The following PTPRF variants were observed in gnomAD, a reference collection of about 807,000 sequenced individuals.
PTPRF encodes the protein protein tyrosine phosphatase receptor type F, also known as receptor-type tyrosine-protein phosphatase F.
Under a neutral mutation model 201.8 loss-of-function variants are expected in PTPRF, and 59 were observed. That is an observed-to-expected ratio of 0.29 (90% CI 0.24 to 0.36). PTPRF has a LOEUF of 0.36. Ranked by LOEUF, PTPRF falls within the 10% of genes least tolerant of loss-of-function variation. The pLI is 1.00. For missense variants in PTPRF, 2,132 were observed against 2,690.5 expected, an observed-to-expected ratio of 0.79 and a Z score of 4.59; for synonymous variants, 1,088 against 1,089.7, an observed-to-expected ratio of 1.00 and a Z score of 0.03.
chr1:43,614,267 G>A (rs536223629), intron 23 of PTPRF, among the ~76,000 whole-genome samples: 4 of 152,214 alleles, frequency 2.6e-5, no homozygotes, highest in Non-Finnish European at 5.9e-5. Context: ...TTCAAACCCA[G>A]GCCTGCCTGC....
Position 43,570,898 on chromosome 1 carries a change from C to T in PTPRF, c.568+1120C>T, listed in dbSNP as rs550887504. ...AGCAAACGGCCGGCAGTGTTTGTGGCCGCTGCCCAGCGCAGCACAGCGGCC... is the reference window on the plus strand; with the variant it reads ...AGCAAACGGCCGGCAGTGTTTGTGGTCGCTGCCCAGCGCAGCACAGCGGCC... On this transcript the variant is annotated intron_variant, in intron 6 of 33. Transcript: ENST00000359947. Among the ~76,000 whole-genome samples the T allele has an allele frequency of 4.6e-5, 7 of 152,340 alleles. No homozygotes were observed. The East Asian group carries it at 1.4e-3, about 29-fold the overall frequency.
At chr1:43,612,908 C>T in intron 22 of PTPRF, 5 of 967,426 alleles carry the variant, frequency 5.2e-6, no homozygotes, top group Non-Finnish European at 7.3e-6. Flanking sequence ...GAATTCTTCT[C>T]TCCCCTTCCC....
In PTPRF at chr1:43,546,010, G is replaced by A. The variant is rs147491314; in HGVS notation, c.91+844G>A. ...TCTGCAGGCTGAGGGGGAGGGGCGAGGTCGGAGCCAAGGTCCCTGGGGGAA... is the reference window on the plus strand; with the variant it reads ...TCTGCAGGCTGAGGGGGAGGGGCGAAGTCGGAGCCAAGGTCCCTGGGGGAA... On this transcript the variant is annotated intron_variant, in intron 3 of 33. Coordinates refer to ENST00000359947, the MANE Select transcript of PTPRF (RefSeq NM_002840.5). The surrounding 1 kb of genome is among the most constrained non-coding windows in gnomAD (Gnocchi z 4.2). Among the ~76,000 whole-genome samples, 668 of 152,252 alleles carry A rather than the reference G, an allele frequency of 4.4e-3. 2 individuals carry two copies. Among genetic ancestry groups the A allele is most frequent in the Middle Eastern group, 6.8e-3 (2 of 294 alleles).
chr1:43,523,782 C>A (rs970473226), upstream of PTPRF, among the ~76,000 whole-genome samples: 1 of 151,984 alleles, frequency 6.6e-6, no homozygotes, highest in African/African-American at 2.4e-5. Flanking sequence ...CATGGTGGCT[C>A]ACGCCTATAA....
At chr1:43,579,737 C>G (rs1177182329) in intron 7 of PTPRF, 3 of 158,242 alleles carry the variant, frequency 1.9e-5, no homozygotes, top group Admixed American at 1.8e-4. Flanking sequence ...TACCCTCATA[C>G]TGTCCCCTCA....
intron 7 of PTPRF, among the ~76,000 whole-genome samples, chr1:43,581,006 T>A (rs1647456266): frequency 6.6e-6 from 1 of 152,244 alleles, no homozygotes; most frequent in South Asian, 2.1e-4. Flanking sequence ...TTCTCTGAAG[T>A]CACTGTTACA....
chr1:43,618,824 CG>C (rs921307764), intron 26 of PTPRF, 75 bp downstream of exon 26: 5 of 1,554,216 alleles, frequency 3.2e-6, no homozygotes, highest in Non-Finnish European at 4.4e-6. Context: ...TGTGCTGGGT[CG>C]GGGGGAAGCT....
In PTPRF at chr1:43,542,386, G is replaced by A. The variant is rs79221155; in HGVS notation, c.-45-2645G>A. Among the ~76,000 whole-genome samples the A allele has an allele frequency of 0.018, 2,716 of 152,240 alleles. 80 individuals are homozygous for A. Among genetic ancestry groups the A allele is most frequent in the Middle Eastern group, 0.061 (18 of 294 alleles). On this transcript the variant is annotated intron_variant, in intron 2 of 33. Coordinates refer to ENST00000359947, the MANE Select transcript of PTPRF (RefSeq NM_002840.5). The surrounding 1 kb of genome is among the most constrained non-coding windows in gnomAD (Gnocchi z 5.2). ...TCTCCCTGGGCATCTGTGTCCTTGTGTCCATCATGGACCACTGGAAGAAGC... is the reference window on the plus strand; with the variant it reads ...TCTCCCTGGGCATCTGTGTCCTTGTATCCATCATGGACCACTGGAAGAAGC...
intron 22 of PTPRF, chr1:43,613,023 T>A: frequency 5.4e-6 from 2 of 370,454 alleles, no homozygotes; most frequent in Non-Finnish European, 5.2e-6. Flanking sequence ...ACCGGCCCCG[T>A]CTCTGTTCTG....
At chr1:43,569,816 T>C (rs753683867) in intron 6 of PTPRF, 38 bp downstream of exon 6, 17 of 1,565,418 alleles carry the variant, frequency 1.1e-5, no homozygotes, top group East Asian at 6.8e-5. Context: ...CATGCAGACC[T>C]CAGAACAAGC....
At chr1:43,548,930 G>A (rs1644850620) in intron 3 of PTPRF, among the ~76,000 whole-genome samples, 1 of 152,212 alleles carries the variant, frequency 6.6e-6, no homozygotes, top group Admixed American at 6.5e-5. Flanking sequence ...TCTCCCTGGG[G>A]CTGGACCCCT....
chr1:43,553,402 T>C lies in PTPRF; in HGVS notation c.92-90T>C. ...GGTGTCCTTGTTTTCTTTGTAGGTCTTTCTCTCTGCCCCCATGACTGCCAC... is the reference window on the plus strand; with the variant it reads ...GGTGTCCTTGTTTTCTTTGTAGGTCCTTCTCTCTGCCCCCATGACTGCCAC... On this transcript the variant is annotated intron_variant, in intron 3 of 33. Coordinates refer to ENST00000359947, the MANE Select transcript of PTPRF (RefSeq NM_002840.5). The surrounding 1 kb of genome is among the most constrained non-coding windows in gnomAD (Gnocchi z 4.1). 1 of 1,416,576 alleles carries C rather than the reference T, an allele frequency of 7.1e-7. No individual in the cohort carries two copies. The highest frequency in any genetic ancestry group is 9.7e-7 in the Non-Finnish European group (1 of 1,031,506). The allele number at this position is 1,416,576 out of a possible 1,614,324, so 87.8% of individuals were successfully genotyped here.
intron 27 of PTPRF, 36 bp from the exon 28 acceptor site, chr1:43,619,252 G>A: frequency 6.2e-7 from 1 of 1,609,320 alleles, no homozygotes; most frequent in East Asian, 2.2e-5. Flanking sequence ...GGGAGGTGGG[G>A]GCGCCTGTGC....
chr1:43,524,754 G>A (rs1570805134), upstream of PTPRF, among the ~76,000 whole-genome samples: 2 of 152,282 alleles, frequency 1.3e-5, no homozygotes, highest in South Asian at 2.1e-4. Flanking sequence ...GTGTGTGAAT[G>A]TGCTAGTGGA....
At chr1:43,557,039 C>T (rs1004366446) in intron 5 of PTPRF, among the ~76,000 whole-genome samples, 4 of 152,376 alleles carry the variant, frequency 2.6e-5, no homozygotes, top group African/African-American at 9.6e-5. Context: ...GCAAGTATTT[C>T]AATGCTGCCC....
intron 5 of PTPRF, among the ~76,000 whole-genome samples, chr1:43,556,554 C>T (rs1162296806): frequency 3.9e-5 from 6 of 152,222 alleles, no homozygotes; most frequent in Non-Finnish European, 7.3e-5. Context: ...CGTCCAGTGT[C>T]GGTTACTGTT....
At chr1:43,536,357 G>C (rs931107910) in intron 1 of PTPRF, among the ~76,000 whole-genome samples, 1 of 152,212 alleles carries the variant, frequency 6.6e-6, no homozygotes. Flanking sequence ...CCCTCATGCT[G>C]TTCTGTGTGC....
At chr1:43,524,913 C>T (rs1036336621), upstream of PTPRF, among the ~76,000 whole-genome samples, 6 of 152,116 alleles carry the variant, frequency 3.9e-5, no homozygotes, top group African/African-American at 9.7e-5. Flanking sequence ...GGTTCCAAGC[C>T]GACTGGAGAA....
rs768382559 is a variant in PTPRF at position 43,553,937 on chromosome 1, C to T, written c.375C>T (p.Leu125=). ...EINTSAKLSV[L]EEEQLPPGFP... ...ACACTAGTGCCAAGCTCTCAGTGCT[C>T]GAAGGTACGTGCTAGGGAGACGTGG... Residue 125 remains leucine, a synonymous_variant, in exon 5 of 34, where the codon CTC becomes CTT. Coordinates refer to ENST00000359947, the MANE Select transcript of PTPRF (RefSeq NM_002840.5). This position sits in a 1 kb window ranked among gnomAD's most constrained non-coding sequence, Gnocchi z 4.1. The T allele has an allele frequency of 1.7e-5, 27 of 1,613,940 alleles. No homozygotes were observed. In the Admixed American group the frequency reaches 1.8e-4, roughly 11 times the overall value.
Sources: allele counts gnomAD v4.1 joint callset (sites outside exome capture counted in the v4.1 genomes callset), GRCh38; gene constraint gnomAD v4.1.1; non-coding constraint Gnocchi (gnomAD v3.1); transcripts MANE v1.5; gene names NCBI Gene and HGNC (gene_info 2026-07-23, HGNC 2026-07-21).